OR5A2: variants seen among roughly 807,000 people sequenced by gnomAD.
OR5A2 encodes olfactory receptor 5A2.
For synonymous variants in OR5A2, 155 were observed against 151.1 expected (o/e 1.03, Z -0.19); for missense variants, 406 against 398.9 (o/e 1.02, Z -0.15).
At position 59,419,714 on chromosome 11, in the gene OR5A2, G is replaced by C; in HGVS notation, c.*2265C>G. 6.6e-6 allele frequency: 1 copy of C among 152,158 alleles called. No individual in the cohort carries two copies. The highest frequency in any genetic ancestry group is 1.9e-4 in the East Asian group (1 of 5,182). The allele number at this position is 152,158 out of a possible 1,614,324, so 9.4% of individuals were successfully genotyped here. A position where few individuals can be genotyped will look rare whatever the true frequency, so the allele number is the denominator to read the frequency against. On this transcript the variant is annotated 3_prime_UTR_variant, in exon 2 of 2. Coordinates refer to ENST00000302040, the MANE Select transcript of OR5A2 (RefSeq NM_001001954.2). ...TTCTGGCAGACAATTGGTTGAGTTC[G>C]TCTGAAGACCTGGGATTAATGGAAA...
rs1424204356 is a variant in OR5A2, at chr11:59,421,407, A to G, written c.*572T>C. ...TTAAACATGAGATGTGAATGGGGAC[A>G]AATATCCAAATTCTATCAAGGCCCA... On this transcript the variant is annotated 3_prime_UTR_variant, in exon 2 of 2. Transcript: ENST00000302040. 1 of 152,530 alleles carries G rather than the reference A, an allele frequency of 6.6e-6. No homozygotes were observed. Among genetic ancestry groups the G allele is most frequent in the Non-Finnish European group, 1.5e-5 (1 of 68,308 alleles). 9.4% of individuals were successfully genotyped at this position (152,530 alleles called of 1,614,324 possible).
intron 1 of OR5A2, 95 bp from the exon 2 acceptor site, chr11:59,423,139 C>G: frequency 1.6e-6 from 1 of 621,512 alleles, no homozygotes; most frequent in East Asian, 2.7e-5. Flanking sequence ...GGAAGTCAGC[C>G]TAGGATAATC....
Position 59,422,225 on chromosome 11 carries a change from G to A in OR5A2, c.729C>T (p.Ala243=), listed in dbSNP as rs1858234126. Reference sequence around the variant, plus strand: ...AGAGGGTCACAGCAGTCAGGTGAGAGGCACAAGTGCTGAAGGCCTTTGTCC... The same window carrying A: ...AGAGGGTCACAGCAGTCAGGTGAGAAGCACAAGTGCTGAAGGCCTTTGTCC... ...TGRTKAFSTC[A]SHLTAVTLFY... is the part of the protein sequence containing the mutation. Residue 243 remains alanine (A), a synonymous_variant, in exon 2 of 2, where the codon GCC becomes GCT. Coordinates refer to ENST00000302040, the MANE Select transcript of OR5A2 (RefSeq NM_001001954.2). 3.1e-6 allele frequency: 5 copies of A among 1,614,052 alleles called. No individual in the cohort carries two copies. The highest frequency in any genetic ancestry group is 4.2e-6 in the Non-Finnish European group (5 of 1,180,038).
Position 59,420,683 on chromosome 11 carries a change from A to C in OR5A2, c.*1296T>G, listed in dbSNP as rs1239628426. Reference sequence around the variant, plus strand: ...AGAAAGGCCACAGCTGAATGAATTTATTCTAGTTCTTTAATGCCAGTTCAA... The same window carrying C: ...AGAAAGGCCACAGCTGAATGAATTTCTTCTAGTTCTTTAATGCCAGTTCAA... On this transcript the variant is annotated 3_prime_UTR_variant, in exon 2 of 2. Coordinates refer to ENST00000302040, the MANE Select transcript of OR5A2 (RefSeq NM_001001954.2). 1 of 152,196 alleles carries C rather than the reference A, an allele frequency of 6.6e-6. No homozygotes were observed. The highest frequency in any genetic ancestry group is 1.5e-5 in the Non-Finnish European group (1 of 68,036). 9.4% of individuals were successfully genotyped at this position (152,196 alleles called of 1,614,324 possible).
rs1360412714 is a variant in OR5A2, at chr11:59,416,999, TA to T, written c.*4979del. The T allele has an allele frequency of 6.6e-6, 1 of 152,086 alleles. No homozygotes were observed. Among genetic ancestry groups the T allele is most frequent in the Non-Finnish European group, 1.5e-5 (1 of 67,994 alleles). 9.4% of individuals were successfully genotyped at this position (152,086 alleles called of 1,614,324 possible). Reference sequence around the variant, plus strand: ...TTTTTGCATAAGAAAGATGTTTTATTAGAACAAACAAGAATATACCATACAA... The same window carrying T: ...TTTTTGCATAAGAAAGATGTTTTATTGAACAAACAAGAATATACCATACAA... On this transcript the variant is annotated 3_prime_UTR_variant, in exon 2 of 2. Transcript: ENST00000302040.
At position 59,422,303 on chromosome 11, in the gene OR5A2, G is replaced by A. The variant is rs756565464; in HGVS notation, c.651C>T (p.Ile217=). ...VGIVSVLVVL[I]SYGYIVAAVV... is the part of the protein sequence containing the mutation. ...CAGCAGCAACAATGTAACCATAAGA[G>A]ATGAGGACCACTAGCACAGACACTA... The change falls in exon 2 of 2, where the codon ATC becomes ATT. Residue 217 remains isoleucine, a synonymous_variant. Coordinates refer to ENST00000302040, the MANE Select transcript of OR5A2 (RefSeq NM_001001954.2). The A allele has an allele frequency of 6.8e-6, 11 of 1,614,094 alleles. No individual in the cohort carries two copies. Among genetic ancestry groups the A allele is most frequent in the Non-Finnish European group, 9.3e-6 (11 of 1,180,010 alleles).
In OR5A2 at chr11:59,417,899, A is replaced by G. The variant is rs1210506645; in HGVS notation, c.*4080T>C. The stretch of plus-strand genomic sequence containing the variant: ...AAAAGTAAGTGAATGTTGATGGTGC[A>G]TAGGACAACAACAAGGTGTCTACAA... On this transcript the variant is annotated 3_prime_UTR_variant, in exon 2 of 2. Transcript: ENST00000302040. 6.6e-6 allele frequency: 1 copy of G among 152,118 alleles called. No homozygotes were observed. Among genetic ancestry groups the G allele is most frequent in the African/African-American group, 2.4e-5 (1 of 41,458 alleles). The allele number at this position is 152,118 out of a possible 1,614,324, so 9.4% of individuals were successfully genotyped here.
rs1172317254 is a variant in OR5A2, at chr11:59,422,937, T to G, written c.17A>C (p.Asn6Thr). The change falls in exon 2 of 2, where the codon AAC becomes ACC. Residue 6 changes from asparagine to threonine, a missense_variant. Coordinates refer to ENST00000302040, the MANE Select transcript of OR5A2 (RefSeq NM_001001954.2). The stretch of plus-strand genomic sequence containing the variant: ...AATGAATTTTGTCACAATTGTGTTG[T>G]TCCTTCCTACAGCCATAGGCCTGCT... MAVGR[N>T]NTIVTKFILL... The G allele has an allele frequency of 6.2e-7, 1 of 1,613,224 alleles. No individual in the cohort carries two copies. Among genetic ancestry groups the G allele is most frequent in the Non-Finnish European group, 8.5e-7 (1 of 1,179,538 alleles).
At position 59,422,751 on chromosome 11, in the gene OR5A2, G is replaced by A; in HGVS notation, c.203C>T (p.Ser68Phe). Residue 68 changes from serine to phenylalanine, a missense_variant, in exon 2 of 2, where the codon TCC (serine) becomes TTC (phenylalanine). Transcript: ENST00000302040. ...GGACACATAGCAGATGTCCAGGAAG[G>A]ACAGGTTACTGAGGAAGAAGTACAT... Reference protein sequence around the residue: ...MPMYFFLSNLSFLDICYVSST... With the variant: ...MPMYFFLSNLFFLDICYVSST... 2 of 1,614,150 alleles carry A rather than the reference G, an allele frequency of 1.2e-6. No homozygotes were observed. The highest frequency in any genetic ancestry group is 1.7e-6 in the Non-Finnish European group (2 of 1,180,018).
rs1858187987 is a variant in OR5A2, at chr11:59,418,820, A to G, written c.*3159T>C. 6.6e-6 allele frequency: 1 copy of G among 152,134 alleles called. No individual in the cohort carries two copies. Among genetic ancestry groups the G allele is most frequent in the Non-Finnish European group, 1.5e-5 (1 of 68,014 alleles). The allele number at this position is 152,134 out of a possible 1,614,324, so 9.4% of individuals were successfully genotyped here. On this transcript the variant is annotated 3_prime_UTR_variant, in exon 2 of 2. Coordinates refer to ENST00000302040, the MANE Select transcript of OR5A2 (RefSeq NM_001001954.2). Reference sequence around the variant, plus strand: ...GAAATTTACCATTACTCGTAGATATATATGTGATTGAACAAGAAAAATTTT... The same window carrying G: ...GAAATTTACCATTACTCGTAGATATGTATGTGATTGAACAAGAAAAATTTT...
rs1219544704 is a variant in OR5A2 at position 59,419,953 on chromosome 11, C to T, written c.*2026G>A. The T allele has an allele frequency of 6.6e-6, 1 of 152,066 alleles. No individual in the cohort carries two copies. Among genetic ancestry groups the T allele is most frequent in the African/African-American group, 2.4e-5 (1 of 41,400 alleles). 9.4% of individuals were successfully genotyped at this position (152,066 alleles called of 1,614,324 possible). On this transcript the variant is annotated 3_prime_UTR_variant, in exon 2 of 2. Coordinates refer to ENST00000302040, the MANE Select transcript of OR5A2 (RefSeq NM_001001954.2). ...ATTCTCTATAGAATGTGGATTTTTC[C>T]CACAAGAGACTTTGCAAGGCAATTT...
At position 59,419,875 on chromosome 11, in the gene OR5A2, T is replaced by C. The variant is rs188072718; in HGVS notation, c.*2104A>G. The C allele has an allele frequency of 7.2e-4, 109 of 152,176 alleles. 1 individual carries two copies. Among genetic ancestry groups the C allele is most frequent in the Middle Eastern group, 3.4e-3 (1 of 294 alleles). The allele number at this position is 152,176 out of a possible 1,614,324, so 9.4% of individuals were successfully genotyped here. On this transcript the variant is annotated 3_prime_UTR_variant, in exon 2 of 2. Coordinates refer to ENST00000302040, the MANE Select transcript of OR5A2 (RefSeq NM_001001954.2). ...ACTTAAAAGGGTGCCTGGCTCTTAG[T>C]TGATTATCTCCTAGATCAGGGAAGG...
In OR5A2 at chr11:59,422,838, G is replaced by A. The variant is rs373273792; in HGVS notation, c.116C>T (p.Thr39Met). The A allele has an allele frequency of 8.8e-5, 142 of 1,614,144 alleles. 1 individual carries two copies. The highest frequency in any genetic ancestry group is 4.3e-4 in the South Asian group (39 of 91,084). The part of the protein sequence containing the change: ...FMLFLGLYLL[T>M]LAWNLSLIAL... ...AATGAGGCTTAAGTTCCAGGCCAAC[G>A]TCAGGAGGTAGAGCCCCAGAAATAA... Residue 39 changes from threonine (T) to methionine (M), a missense_variant, in exon 2 of 2, where the codon ACG becomes ATG. Transcript: ENST00000302040.
intron 1 of OR5A2, chr11:59,424,538 T>C (rs1004753205): frequency 1.1e-4 from 16 of 151,998 alleles, no homozygotes; most frequent in African/African-American, 3.6e-4. Context: ...CAGTGAGCCA[T>C]GACCATGACT....
intron 1 of OR5A2, 157 bp downstream of exon 1, chr11:59,426,014 A>T (rs932328852): frequency 1.3e-5 from 2 of 152,200 alleles, no homozygotes; most frequent in African/African-American, 2.4e-5. Flanking sequence ...TGTTTGAAAG[A>T]CTTGATTTTT....
intron 1 of OR5A2, 155 bp from the exon 2 acceptor site, chr11:59,423,199 T>C: frequency 2.4e-6 from 1 of 416,816 alleles, no homozygotes; most frequent in Non-Finnish European, 4.3e-6. Context: ...AATAATAAAG[T>C]AGAAACTGAT....
Position 59,421,361 on chromosome 11 carries a change from C to T in OR5A2, c.*618G>A, listed in dbSNP as rs927235091. ...TCAAACACCTCCCACCAGGCCCCAC[C>T]TCCAGCACTGGAGATTGCAATTAAA... On this transcript the variant is annotated 3_prime_UTR_variant, in exon 2 of 2. Transcript: ENST00000302040. 3.3e-5 allele frequency: 5 copies of T among 152,448 alleles called. No individual in the cohort carries two copies. Among genetic ancestry groups the T allele is most frequent in the African/African-American group, 1.2e-4 (5 of 41,464 alleles). The allele number at this position is 152,448 out of a possible 1,614,324, so 9.4% of individuals were successfully genotyped here.
rs992529780 is a variant in OR5A2, at chr11:59,421,412, T to A, written c.*567A>T. 6.6e-6 allele frequency: 1 copy of A among 152,456 alleles called. No homozygotes were observed. The highest frequency in any genetic ancestry group is 1.5e-5 in the Non-Finnish European group (1 of 68,294). 9.4% of individuals were successfully genotyped at this position (152,456 alleles called of 1,614,324 possible). A position where few individuals can be genotyped will look rare whatever the true frequency, so the allele number is the denominator to read the frequency against. ...CATGAGATGTGAATGGGGACAAATA[T>A]CCAAATTCTATCAAGGCCCAAATCA... On this transcript the variant is annotated 3_prime_UTR_variant, in exon 2 of 2. Coordinates refer to ENST00000302040, the MANE Select transcript of OR5A2 (RefSeq NM_001001954.2).
At chr11:59,424,624 A>G (rs935491965) in intron 1 of OR5A2, 3 of 152,226 alleles carry the variant, frequency 2.0e-5, no homozygotes, top group Non-Finnish European at 2.9e-5. Flanking sequence ...TTTAAAAATT[A>G]GGAAATACAA....
Sources: allele counts gnomAD v4.1 joint callset, GRCh38; gene constraint gnomAD v4.1.1; transcripts MANE v1.5; gene names NCBI Gene and HGNC (gene_info 2026-07-23, HGNC 2026-07-21).